TMEM132C: variants seen among roughly 807,000 people sequenced by gnomAD.
TMEM132C encodes the protein transmembrane protein 132C, also known as protein phosphatase 1, regulatory subunit 152.
In TMEM132C, 29 loss-of-function variants were observed where a neutral mutation model predicts 61.4. That is an observed-to-expected ratio of 0.47 (90% CI 0.35 to 0.64). The LOEUF is 0.64. Ranked by LOEUF, TMEM132C falls within the 30% of genes least tolerant of loss-of-function variation. The probability of loss-of-function intolerance (pLI) is 0.00; values close to 1 mark genes in which losing one functional copy is unlikely to be tolerated. For missense variants in TMEM132C, 1,408 were observed against 1,476.9 expected, an observed-to-expected ratio of 0.95 and a Z score of 0.76; for synonymous variants, 656 against 633.1, an observed-to-expected ratio of 1.04 and a Z score of -0.54.
intron 1 of TMEM132C, among the ~76,000 whole-genome samples, chr12:128,383,884 A>G (rs976719517): frequency 2.0e-5 from 3 of 152,216 alleles, no homozygotes; most frequent in African/African-American, 7.2e-5. Flanking sequence ...CCATATCAGG[A>G]TAGTTATGGA....
At chr12:128,613,393 T>C (rs1212873909) in intron 3 of TMEM132C, among the ~76,000 whole-genome samples, 1 of 152,216 alleles carries the variant, frequency 6.6e-6, no homozygotes, top group East Asian at 1.9e-4. Flanking sequence ...CATCTCCTGT[T>C]TCCCAGTCCA....
intron 1 of TMEM132C, among the ~76,000 whole-genome samples, chr12:128,274,527 A>G (rs1566038354): frequency 6.6e-6 from 1 of 152,202 alleles, no homozygotes; most frequent in Non-Finnish European, 1.5e-5. Flanking sequence ...ATTGCTTATT[A>G]CTAAGTTATA....
Position 128,668,295 on chromosome 12 carries a change from G to A in TMEM132C, c.1306-1122G>A, listed in dbSNP as rs376419170. On this transcript the variant is annotated intron_variant, in intron 4 of 8. Coordinates refer to ENST00000435159, the MANE Select transcript of TMEM132C (RefSeq NM_001136103.3). Reference sequence around the variant, plus strand: ...GGAATGGTTGAAGATGAGGGAAGGGGAGATGAAGGGGGAAAAAAGATGTCA... The same window carrying A: ...GGAATGGTTGAAGATGAGGGAAGGGAAGATGAAGGGGGAAAAAAGATGTCA... 2.0e-4 allele frequency among the ~76,000 whole-genome samples: 31 copies of A among 151,606 alleles called. No homozygotes were observed. In the East Asian group the frequency reaches 2.5e-3, roughly 12 times the overall value.
intron 2 of TMEM132C, among the ~76,000 whole-genome samples, chr12:128,511,270 C>T (rs768887108): frequency 3.2e-4 from 48 of 152,318 alleles, no homozygotes; most frequent in Non-Finnish European, 6.5e-4. Flanking sequence ...TTTTCAGGCA[C>T]CTTCCATAAA....
At chr12:128,516,891 G>T (rs1872736150) in intron 2 of TMEM132C, among the ~76,000 whole-genome samples, 2 of 151,814 alleles carry the variant, frequency 1.3e-5, no homozygotes, top group South Asian at 4.2e-4. Context: ...TCCACCCTGG[G>T]CAACAGAGTG....
chr12:128,306,689 A>G (rs1013365065), intron 1 of TMEM132C, among the ~76,000 whole-genome samples: 2 of 152,222 alleles, frequency 1.3e-5, no homozygotes, highest in Non-Finnish European at 2.9e-5. Flanking sequence ...AGAAGAACAT[A>G]TAAAAGGAAG....
chr12:128,519,465 G>T (rs1483031711), intron 2 of TMEM132C, among the ~76,000 whole-genome samples: 2 of 152,208 alleles, frequency 1.3e-5, no homozygotes, highest in Admixed American at 1.3e-4. Context: ...AAAGTCTTAA[G>T]ATGGCTTCTA....
At chr12:128,586,258 T>C (rs868508066) in intron 3 of TMEM132C, among the ~76,000 whole-genome samples, 3 of 152,008 alleles carry the variant, frequency 2.0e-5, no homozygotes, top group African/African-American at 7.2e-5. Flanking sequence ...ATGTCTATTT[T>C]AAGTGTCAAA....
intron 2 of TMEM132C, among the ~76,000 whole-genome samples, chr12:128,417,933 G>T (rs924872372): frequency 6.6e-6 from 1 of 152,128 alleles, no homozygotes; most frequent in Non-Finnish European, 1.5e-5. Flanking sequence ...GTAGCACAGA[G>T]GTTACTAATG....
intron 1 of TMEM132C, among the ~76,000 whole-genome samples, chr12:128,267,873 C>G (rs1021049213): frequency 3.3e-5 from 5 of 152,218 alleles, no homozygotes; most frequent in Admixed American, 3.3e-4. Context: ...AGGTGCTCCG[C>G]TCTGTGCGCT....
intron 2 of TMEM132C, among the ~76,000 whole-genome samples, chr12:128,422,602 G>T (rs954427099): frequency 6.6e-6 from 1 of 152,198 alleles, no homozygotes; most frequent in Non-Finnish European, 1.5e-5. Flanking sequence ...TGCTGCTAAC[G>T]TGAATTTATG....
intron 1 of TMEM132C, among the ~76,000 whole-genome samples, chr12:128,369,579 G>T (rs1035099151): frequency 6.6e-6 from 1 of 152,314 alleles, no homozygotes; most frequent in Non-Finnish European, 1.5e-5. Flanking sequence ...CAGGCATTTG[G>T]CAGAGAGTAA....
At chr12:128,427,754 A>G (rs757400682) in intron 2 of TMEM132C, among the ~76,000 whole-genome samples, 8 of 152,190 alleles carry the variant, frequency 5.3e-5, no homozygotes, top group Non-Finnish European at 1.5e-5. Flanking sequence ...TCTCACTCAG[A>G]TGAAAGCACT....
intron 1 of TMEM132C, among the ~76,000 whole-genome samples, chr12:128,408,731 C>T (rs762728347): frequency 9.2e-5 from 14 of 152,138 alleles, no homozygotes; most frequent in Admixed American, 1.3e-4. Flanking sequence ...GAGAGGGAGG[C>T]GAATGTGCCC....
In TMEM132C at chr12:128,539,950, A is replaced by G. The variant is rs142589908; in HGVS notation, c.975-4007A>G. Among the ~76,000 whole-genome samples the G allele has an allele frequency of 5.4e-3, 820 of 152,234 alleles. 5 individuals carry two copies. The highest frequency in any genetic ancestry group is 0.019 in the African/African-American group (777 of 41,536). On this transcript the variant is annotated intron_variant, in intron 2 of 8. Transcript: ENST00000435159. ...TGGAGACATTTTCTTAAATTATTTCATTAATGATTCATCCTCTTTCTTTTC... is the reference window on the plus strand; with the variant it reads ...TGGAGACATTTTCTTAAATTATTTCGTTAATGATTCATCCTCTTTCTTTTC...
rs1285014943 is a variant in TMEM132C, at chr12:128,587,716, G to C, written c.1122-28436G>C. ...ACTTTCTCCTGCAGGAAGAGCTAATGAGGCACTCACTTTATTGATTTTATA... is the reference window on the plus strand; with the variant it reads ...ACTTTCTCCTGCAGGAAGAGCTAATCAGGCACTCACTTTATTGATTTTATA... On this transcript the variant is annotated intron_variant, in intron 3 of 8. Transcript: ENST00000435159. Among the ~76,000 whole-genome samples the C allele has an allele frequency of 2.6e-5, 4 of 152,316 alleles. No individual in the cohort carries two copies. In the East Asian group the frequency reaches 7.7e-4, roughly 29 times the overall value.
intron 2 of TMEM132C, among the ~76,000 whole-genome samples, chr12:128,465,604 T>G (rs1438504541): frequency 6.6e-6 from 1 of 152,208 alleles, no homozygotes. Context: ...GACAATCCAT[T>G]CTCCTAGGCA....
intron 4 of TMEM132C, among the ~76,000 whole-genome samples, chr12:128,632,861 T>C (rs1019598093): frequency 6.6e-6 from 1 of 152,240 alleles, no homozygotes; most frequent in Non-Finnish European, 1.5e-5. Context: ...GAATGTGGTA[T>C]GGAAACTCTT....
intron 1 of TMEM132C, among the ~76,000 whole-genome samples, chr12:128,322,999 A>C (rs1443112249): frequency 6.6e-6 from 1 of 152,204 alleles, no homozygotes; most frequent in Non-Finnish European, 1.5e-5. Flanking sequence ...CTAGGACTGC[A>C]GATACAGCCA....
Sources: gnomAD v4.1 joint callset for allele counts (sites outside exome capture counted in the v4.1 genomes callset) on GRCh38, gnomAD v4.1.1 for gene constraint, MANE v1.5 for transcripts, NCBI Gene and HGNC (gene_info 2026-07-23, HGNC 2026-07-21) for gene names.